SMIM36: variants seen among roughly 807,000 people sequenced by gnomAD.
The protein encoded by SMIM36 is small integral membrane protein 36.
chr17:55,492,771 T>C (rs1293363189), intron 1 of SMIM36, among the ~76,000 whole-genome samples: 1 of 152,206 alleles, frequency 6.6e-6, no homozygotes, highest in Non-Finnish European at 1.5e-5. Flanking sequence ...TTAAGGATGG[T>C]CCCTGAAGAT....
intron 1 of SMIM36, among the ~76,000 whole-genome samples, chr17:55,501,393 A>G (rs1260209856): frequency 1.9e-5 from 1 of 53,084 alleles, no homozygotes; most frequent in Non-Finnish European, 3.0e-5. Flanking sequence ...AATATAATAT[A>G]TTATATATTA....
At chr17:55,510,709 G>GCACACA (rs10639655) in intron 1 of SMIM36, among the ~76,000 whole-genome samples, 170 bp downstream of exon 1, 14 of 150,736 alleles carry the variant, frequency 9.3e-5, no homozygotes, top group Admixed American at 2.0e-4. Flanking sequence ...ACGTGCACGT[G>GCACACA]CACACACACA....
the SMIM36 span, among the ~76,000 whole-genome samples, chr17:55,525,167 T>C: frequency 6.6e-6 from 1 of 152,236 alleles, no homozygotes; most frequent in Non-Finnish European, 1.5e-5. Flanking sequence ...TCTGTAACAT[T>C]GAGATGTGCT....
the SMIM36 span, among the ~76,000 whole-genome samples, chr17:55,528,603 A>G: frequency 7.0e-6 from 1 of 143,274 alleles, no homozygotes; most frequent in Non-Finnish European, 1.5e-5. Context: ...TCCAGGCTGG[A>G]GTGCAGTGGC....
chr17:55,499,302 G>A (rs1167145508), intron 1 of SMIM36, among the ~76,000 whole-genome samples: 1 of 152,118 alleles, frequency 6.6e-6, no homozygotes, highest in Non-Finnish European at 1.5e-5. Flanking sequence ...GATGGGGTTG[G>A]TGGAACAACC....
At chr17:55,492,591 T>A (rs1175421362) in intron 1 of SMIM36, among the ~76,000 whole-genome samples, 1 of 150,196 alleles carries the variant, frequency 6.7e-6, no homozygotes, top group Non-Finnish European at 1.5e-5. Context: ...TAGCTGTTAG[T>A]CATAGCTGAG....
the SMIM36 span, among the ~76,000 whole-genome samples, chr17:55,524,464 A>G: frequency 6.6e-6 from 1 of 151,998 alleles, no homozygotes. Flanking sequence ...GTTGAATGGT[A>G]TTTGTTTTTT....
the SMIM36 span, among the ~76,000 whole-genome samples, chr17:55,518,822 G>A: frequency 1.3e-5 from 2 of 150,718 alleles, no homozygotes; most frequent in Non-Finnish European, 2.9e-5. Flanking sequence ...AGAGAGAAAA[G>A]GATAATATGA....
At chr17:55,515,174 C>G (rs531631191), upstream of SMIM36, among the ~76,000 whole-genome samples, 5 of 127,670 alleles carry the variant, frequency 3.9e-5, no homozygotes, top group Admixed American at 1.0e-4. Context: ...GCTGTAGATG[C>G]TAGAAAAGTG....
At chr17:55,493,318 T>C (rs1223057966) in intron 1 of SMIM36, among the ~76,000 whole-genome samples, 2 of 152,150 alleles carry the variant, frequency 1.3e-5, no homozygotes, top group Non-Finnish European at 2.9e-5. Context: ...GTGAAGCTAG[T>C]GCCTCCTAGG....
the SMIM36 span, among the ~76,000 whole-genome samples, chr17:55,525,248 G>A: frequency 6.6e-6 from 1 of 152,040 alleles, no homozygotes; most frequent in Non-Finnish European, 1.5e-5. Context: ...ACATATATTT[G>A]GAAAAACTGT....
At chr17:55,505,190 A>G (rs1910060428) in intron 1 of SMIM36, among the ~76,000 whole-genome samples, 1 of 96,212 alleles carries the variant, frequency 1.0e-5, no homozygotes, top group Admixed American at 1.0e-4. Context: ...TATTCCAGTC[A>G]ATAGAAAAAG....
intron 1 of SMIM36, among the ~76,000 whole-genome samples, chr17:55,489,808 C>T (rs1414896804): frequency 6.6e-6 from 1 of 152,148 alleles, no homozygotes; most frequent in African/African-American, 2.4e-5. Context: ...AGTCTGAGCT[C>T]ATATCAAGTG....
intron 1 of SMIM36, among the ~76,000 whole-genome samples, chr17:55,487,819 G>A (rs1339394524): frequency 6.6e-6 from 1 of 152,166 alleles, no homozygotes; most frequent in Non-Finnish European, 1.5e-5. Flanking sequence ...GAAATTAGGA[G>A]ATGCAAGGCT....
the SMIM36 span, among the ~76,000 whole-genome samples, chr17:55,517,338 G>A: frequency 6.6e-6 from 1 of 152,196 alleles, no homozygotes; most frequent in South Asian, 2.1e-4. Context: ...ATCATCTGAG[G>A]TCAGGAGTTC....
chr17:55,483,671 A>G (rs1032874731), intron 1 of SMIM36, among the ~76,000 whole-genome samples: 1 of 152,074 alleles, frequency 6.6e-6, no homozygotes, highest in Non-Finnish European at 1.5e-5. Context: ...TTTTTTTGAG[A>G]TGGAGTCTTG....
intron 3 of SMIM36, among the ~76,000 whole-genome samples, chr17:55,478,139 C>T (rs1277399048): frequency 6.6e-6 from 1 of 151,836 alleles, no homozygotes; most frequent in East Asian, 1.9e-4. Flanking sequence ...GCCGAGACTG[C>T]ACCATTGCAT....
intron 1 of SMIM36, among the ~76,000 whole-genome samples, chr17:55,509,652 A>G (rs1480002878): frequency 1.3e-5 from 2 of 152,172 alleles, no homozygotes; most frequent in Non-Finnish European, 2.9e-5. Flanking sequence ...CAGGGTCATG[A>G]CACTCATTTC....
At chr17:55,513,885 G>A (rs1006273717), upstream of SMIM36, among the ~76,000 whole-genome samples, 3 of 152,156 alleles carry the variant, frequency 2.0e-5, no homozygotes, top group African/African-American at 7.2e-5. Context: ...ATCTGGTCTG[G>A]CCTGTCTTCT....
Sources: allele counts gnomAD v4.1 joint callset (sites outside exome capture counted in the v4.1 genomes callset), GRCh38; gene constraint gnomAD v4.1.1; transcripts MANE v1.5; gene names NCBI Gene and HGNC (gene_info 2026-07-23, HGNC 2026-07-21).